Variants in L2HGDH observed in about 807,000 individuals in gnomAD.
L2HGDH encodes the protein L-2-hydroxyglutarate dehydrogenase.
L2HGDH carries 34 observed loss-of-function variants against 51.5 expected under a neutral mutation model. That is an observed-to-expected ratio of 0.66 (90% CI 0.50 to 0.88). The LOEUF is 0.88. L2HGDH is among the 40% of genes least tolerant of loss of function. The pLI is 0.00. For missense variants in L2HGDH, 558 were observed against 571.9 expected, an observed-to-expected ratio of 0.98 and a Z score of 0.25; for synonymous variants, 198 against 197.9, an observed-to-expected ratio of 1.00 and a Z score of -0.01.
At position 50,245,781 on chromosome 14, in the gene L2HGDH, C is replaced by T; in HGVS notation, c.*1277G>A. The stretch of plus-strand genomic sequence containing the variant: ...TCTTTCTCCAAAACTCTTAAAAAGC[C>T]AAATCTTCTCTAGGTCATGGTTGGT... On this transcript the variant is annotated 3_prime_UTR_variant, in exon 10 of 10. Coordinates refer to ENST00000267436, the MANE Select transcript of L2HGDH (RefSeq NM_024884.3). 1.0e-6 allele frequency: 1 copy of T among 985,198 alleles called. No homozygotes were observed. The highest frequency in any genetic ancestry group is 1.2e-6 in the Non-Finnish European group (1 of 829,870). 61.0% of individuals were successfully genotyped at this position (985,198 alleles called of 1,614,324 possible). A position where few individuals can be genotyped will look rare whatever the true frequency, so the allele number is the denominator to read the frequency against.
chr14:50,279,381 G>A (rs1429460253), intron 5 of L2HGDH, among the ~76,000 whole-genome samples: 1 of 152,120 alleles, frequency 6.6e-6, no homozygotes, highest in Non-Finnish European at 1.5e-5. Flanking sequence ...TAAACTGTGG[G>A]GGCTGGGCAT....
Position 50,245,170 on chromosome 14 carries a change from C to T in L2HGDH, c.*1888G>A. 1 of 985,390 alleles carries T rather than the reference C, an allele frequency of 1.0e-6. No homozygotes were observed. Among genetic ancestry groups the T allele is most frequent in the Non-Finnish European group, 1.2e-6 (1 of 829,822 alleles). 61.0% of individuals were successfully genotyped at this position (985,390 alleles called of 1,614,324 possible). A position where few individuals can be genotyped will look rare whatever the true frequency, so the allele number is the denominator to read the frequency against. ...TCAAAAATGGAAAAATATCCCTATACAAGTTTATAGGAGCCCTGAAAAATC... is the reference window on the plus strand; with the variant it reads ...TCAAAAATGGAAAAATATCCCTATATAAGTTTATAGGAGCCCTGAAAAATC... On this transcript the variant is annotated 3_prime_UTR_variant, in exon 10 of 10. Coordinates refer to ENST00000267436, the MANE Select transcript of L2HGDH (RefSeq NM_024884.3).
intron 9 of L2HGDH, among the ~76,000 whole-genome samples, chr14:50,256,723 CT>C (rs1022428648): frequency 2.6e-5 from 4 of 151,826 alleles, no homozygotes; most frequent in African/African-American, 9.7e-5. Flanking sequence ...TTTCTATATT[CT>C]TTTTTTCCTT....
rs759477268 is a variant in L2HGDH at position 50,245,202 on chromosome 14, G to A, written c.*1856C>T. The A allele has an allele frequency of 1.0e-5, 10 of 985,040 alleles. No individual in the cohort carries two copies. The highest frequency in any genetic ancestry group is 1.2e-5 in the Non-Finnish European group (10 of 829,678). 61.0% of individuals were successfully genotyped at this position (985,040 alleles called of 1,614,324 possible). A position where few individuals can be genotyped will look rare whatever the true frequency, so the allele number is the denominator to read the frequency against. ...ATAGGAGCCCTGAAAAATCAAGTAC[G>A]TATGAATCATTACCAATCTTGGCCA... On this transcript the variant is annotated 3_prime_UTR_variant, in exon 10 of 10. Coordinates refer to ENST00000267436, the MANE Select transcript of L2HGDH (RefSeq NM_024884.3).
rs1887979298 is a variant in L2HGDH at position 50,246,091 on chromosome 14, C to G, written c.*967G>C. 6.7e-6 allele frequency: 1 copy of G among 149,074 alleles called. No homozygotes were observed. The highest frequency in any genetic ancestry group is 2.5e-5 in the African/African-American group (1 of 40,364). The allele number at this position is 149,074 out of a possible 1,614,324, so 9.2% of individuals were successfully genotyped here. A position where few individuals can be genotyped will look rare whatever the true frequency, so the allele number is the denominator to read the frequency against. On this transcript the variant is annotated 3_prime_UTR_variant, in exon 10 of 10. Transcript: ENST00000267436. Reference sequence around the variant, plus strand: ...TGAGCCAAGATCGTACCATTGCACTCAAGCCTGGGCAACAAGAGTGAAACT... The same window carrying G: ...TGAGCCAAGATCGTACCATTGCACTGAAGCCTGGGCAACAAGAGTGAAACT...
At chr14:50,248,714 A>G (rs939943729) in intron 9 of L2HGDH, among the ~76,000 whole-genome samples, 2 of 152,220 alleles carry the variant, frequency 1.3e-5, no homozygotes, top group African/African-American at 2.4e-5. Flanking sequence ...ATTTCCAAGT[A>G]AGAATCAGAT....
At chr14:50,268,655 C>A (rs1036898765) in intron 7 of L2HGDH, among the ~76,000 whole-genome samples, 3 of 152,006 alleles carry the variant, frequency 2.0e-5, no homozygotes, top group Non-Finnish European at 4.4e-5. Flanking sequence ...ATCAAATAGC[C>A]GAATACTGAC....
intron 9 of L2HGDH, among the ~76,000 whole-genome samples, chr14:50,263,448 T>C (rs1335428056): frequency 6.6e-6 from 1 of 152,228 alleles, no homozygotes; most frequent in Non-Finnish European, 1.5e-5. Flanking sequence ...TACAGTCAGA[T>C]TTAAACGAGG....
At chr14:50,302,314 T>C (rs1566539266) in intron 2 of L2HGDH, 146 bp from the exon 3 acceptor site, 2 of 804,190 alleles carry the variant, frequency 2.5e-6, no homozygotes, top group South Asian at 1.4e-5. Context: ...GGTAACTTCT[T>C]CTAACATCCC....
intron 9 of L2HGDH, among the ~76,000 whole-genome samples, chr14:50,248,216 C>T (rs558496725): frequency 1.3e-5 from 2 of 152,028 alleles, no homozygotes; most frequent in Non-Finnish European, 2.9e-5. Flanking sequence ...TTTTGAACTA[C>T]AAAAAAGCAC....
At chr14:50,257,898 T>C (rs923003894) in intron 9 of L2HGDH, among the ~76,000 whole-genome samples, 2 of 151,732 alleles carry the variant, frequency 1.3e-5, no homozygotes, top group Non-Finnish European at 2.9e-5. Flanking sequence ...CTCTCACTTA[T>C]GGTGGTTTGT....
In L2HGDH at chr14:50,309,381, G is replaced by A. The variant is rs528243814; in HGVS notation, c.140+2630C>T. 4.6e-5 allele frequency among the ~76,000 whole-genome samples: 7 copies of A among 152,090 alleles called. No homozygotes were observed. The East Asian group carries it at 9.7e-4, about 21-fold the overall frequency. The stretch of plus-strand genomic sequence containing the variant: ...AGTTTGAGACCAGCCTGGCCAACAC[G>A]GTGAAACCCTATCTCTACTCAAAAT... On this transcript the variant is annotated intron_variant, in intron 1 of 9. Transcript: ENST00000267436.
rs1013702559 is a variant in L2HGDH at position 50,283,763 on chromosome 14, T to C, written c.703+108A>G. On this transcript the variant is annotated intron_variant, in intron 5 of 9. Coordinates refer to ENST00000267436, the MANE Select transcript of L2HGDH (RefSeq NM_024884.3). ...ATTATTCTACTATTATTTTTTATTG[T>C]TTTTTTTCCCAAATATTTTTCATCC... The C allele has an allele frequency of 4.4e-6, 4 of 913,522 alleles. No individual in the cohort carries two copies. The Admixed American group carries it at 6.6e-5, about 15-fold the overall frequency. 56.6% of individuals were successfully genotyped at this position (913,522 alleles called of 1,614,324 possible).
intron 4 of L2HGDH, among the ~76,000 whole-genome samples, chr14:50,292,148 A>G (rs1159430704): frequency 6.6e-6 from 1 of 152,216 alleles, no homozygotes; most frequent in African/African-American, 2.4e-5. Flanking sequence ...ATTAAAATAC[A>G]TTATGTAATA....
intron 4 of L2HGDH, among the ~76,000 whole-genome samples, chr14:50,284,849 T>C (rs1312437073): frequency 2.6e-5 from 4 of 152,216 alleles, no homozygotes; most frequent in African/African-American, 9.7e-5. Flanking sequence ...ATTGTTGTGG[T>C]GGTTTTAAAA....
At chr14:50,267,969 C>G in intron 7 of L2HGDH, 59 bp from the exon 8 acceptor site, 1 of 1,478,176 alleles carries the variant, frequency 6.8e-7, no homozygotes, top group Non-Finnish European at 9.5e-7. Flanking sequence ...ATCAGAGATG[C>G]AAACATTCAA....
At chr14:50,301,219 G>A (rs531673272) in intron 3 of L2HGDH, among the ~76,000 whole-genome samples, 1 of 152,260 alleles carries the variant, frequency 6.6e-6, no homozygotes, top group East Asian at 1.9e-4. Context: ...ATTAATTACT[G>A]GTGGGAATGT....
At chr14:50,249,327 C>T (rs1423915229) in intron 9 of L2HGDH, among the ~76,000 whole-genome samples, 5 of 152,270 alleles carry the variant, frequency 3.3e-5, no homozygotes, top group South Asian at 2.1e-4. Context: ...AGATACCAGC[C>T]GGCATAGCTA....
chr14:50,279,243 A>G (rs1004019230), intron 5 of L2HGDH, among the ~76,000 whole-genome samples: 1 of 152,240 alleles, frequency 6.6e-6, no homozygotes, highest in Non-Finnish European at 1.5e-5. Flanking sequence ...CAAGGAAGAA[A>G]GAACAGAACA....
Sources: gnomAD v4.1 joint callset for allele counts (sites outside exome capture counted in the v4.1 genomes callset) on GRCh38, gnomAD v4.1.1 for gene constraint, MANE v1.5 for transcripts, NCBI Gene and HGNC (gene_info 2026-07-23, HGNC 2026-07-21) for gene names.